Variants in ANXA8 observed in about 807,000 individuals in gnomAD.
ANXA8 encodes the protein VAC-beta.
ANXA8 carries 9 observed loss-of-function variants against 26.8 expected under a neutral mutation model. The ratio of observed to expected loss-of-function variants is 0.34; its 90% CI spans 0.20 to 0.59. The LOEUF is 0.59. ANXA8 is among the 20% of genes least tolerant of loss of function. The pLI, the probability that ANXA8 is intolerant of heterozygous loss-of-function variation, is 0.84. For missense variants in ANXA8, 83 were observed against 238.5 expected, an observed-to-expected ratio of 0.35 and a Z score of 4.29; for synonymous variants, 39 against 94.8, an observed-to-expected ratio of 0.41 and a Z score of 3.42.
At chr10:47,513,491 C>A in the ANXA8 span, among the ~76,000 whole-genome samples, 2 of 141,950 alleles carry the variant, frequency 1.4e-5, no homozygotes, top group African/African-American at 5.1e-5. Context: ...CAATGCAACT[C>A]CCATCAAAAT....
the ANXA8 span, among the ~76,000 whole-genome samples, chr10:47,951,754 T>C: frequency 8.0e-6 from 1 of 125,244 alleles, no homozygotes; most frequent in Non-Finnish European, 1.5e-5. Context: ...GAGGTTGCAG[T>C]GAGCTGAGAT....
chr10:47,697,055 G>C, the ANXA8 span, among the ~76,000 whole-genome samples: 1 of 151,684 alleles, frequency 6.6e-6, no homozygotes, highest in Non-Finnish European at 1.5e-5. Context: ...AAAAGAAGCT[G>C]TTTAATGAGG....
At chr10:47,711,642 A>C in the ANXA8 span, among the ~76,000 whole-genome samples, 1 of 146,186 alleles carries the variant, frequency 6.8e-6, no homozygotes, top group East Asian at 2.0e-4. Context: ...TAGACTAACT[A>C]TGATCATTGA....
the ANXA8 span, among the ~76,000 whole-genome samples, chr10:47,982,801 CATATATATAT>C: frequency 1.2e-3 from 16 of 12,946 alleles, 1 homozygote; most frequent in African/African-American, 2.9e-3. Context: ...ATTTGCAAAT[CATATATATAT>C]ATATATATAT....
At chr10:47,521,793 T>A in the ANXA8 span, among the ~76,000 whole-genome samples, 1 of 151,454 alleles carries the variant, frequency 6.6e-6, no homozygotes, top group African/African-American at 2.4e-5. Context: ...TTCCTTTTTT[T>A]TTTGTGAGAC....
At chr10:47,659,065 G>T in the ANXA8 span, among the ~76,000 whole-genome samples, 4 of 151,728 alleles carry the variant, frequency 2.6e-5, no homozygotes, top group African/African-American at 4.9e-5. Flanking sequence ...TAGAGATGGG[G>T]TTTCACCGTG....
chr10:47,719,846 TA>T, the ANXA8 span: 3 of 1,206,140 alleles, frequency 2.5e-6, no homozygotes, highest in Middle Eastern at 2.0e-4. Flanking sequence ...TGGTTCTAAT[TA>T]AAGCCCAGAT....
chr10:47,703,178 A>G, the ANXA8 span, among the ~76,000 whole-genome samples: 1 of 151,918 alleles, frequency 6.6e-6, no homozygotes, highest in East Asian at 1.9e-4. Context: ...ACTGATATAA[A>G]GACATATTTA....
the ANXA8 span, among the ~76,000 whole-genome samples, chr10:47,937,834 T>C: frequency 6.8e-6 from 1 of 147,272 alleles, no homozygotes; most frequent in Middle Eastern, 3.3e-3. Context: ...GTAAAGGACA[T>C]GTTCCTGTAA....
At chr10:47,719,090 G>C in the ANXA8 span, among the ~76,000 whole-genome samples, 1 of 114,054 alleles carries the variant, frequency 8.8e-6, no homozygotes, top group Non-Finnish European at 1.8e-5. Flanking sequence ...TTGGAAAAAA[G>C]TTTAAAAGAG....
chr10:47,628,049 T>C, the ANXA8 span, among the ~76,000 whole-genome samples: 2 of 150,952 alleles, frequency 1.3e-5, no homozygotes, highest in Non-Finnish European at 3.0e-5. Context: ...GCAATAGATA[T>C]GTATTTATTC....
chr10:47,521,259 A>C, the ANXA8 span, among the ~76,000 whole-genome samples: 1 of 136,254 alleles, frequency 7.3e-6, no homozygotes, highest in Non-Finnish European at 1.5e-5. Context: ...CCATCTACTA[A>C]CTGGTGTGTA....
At chr10:47,776,696 T>C in the ANXA8 span, among the ~76,000 whole-genome samples, 1 of 151,928 alleles carries the variant, frequency 6.6e-6, no homozygotes, top group African/African-American at 2.4e-5. Flanking sequence ...AGGCCTAGCA[T>C]ACACCCCTCT....
the ANXA8 span, among the ~76,000 whole-genome samples, chr10:47,626,967 C>G: frequency 6.7e-6 from 1 of 149,430 alleles, no homozygotes; most frequent in African/African-American, 2.6e-5. Flanking sequence ...TCCATCTCCT[C>G]GTAGTGTACG....
chr10:47,494,810 G>T, the ANXA8 span, among the ~76,000 whole-genome samples: 1 of 151,350 alleles, frequency 6.6e-6, no homozygotes, highest in South Asian at 2.1e-4. Flanking sequence ...TATTCGAATG[G>T]GTACTTGAGG....
chr10:47,488,861 A>G (rs1165737288), upstream of ANXA8, among the ~76,000 whole-genome samples: 20 of 129,768 alleles, frequency 1.5e-4, no homozygotes, highest in South Asian at 7.8e-4. Flanking sequence ...CCGAGTAGCT[A>G]GGACTACAGG....
At chr10:47,744,386 G>A in the ANXA8 span, among the ~76,000 whole-genome samples, 1 of 127,106 alleles carries the variant, frequency 7.9e-6, no homozygotes, top group Non-Finnish European at 1.7e-5. Flanking sequence ...CATCTCTCTT[G>A]TCCACACGTG....
the ANXA8 span, among the ~76,000 whole-genome samples, chr10:47,733,193 C>CTTTCTTTCTT: frequency 8.5e-6 from 1 of 117,050 alleles, no homozygotes; most frequent in Admixed American, 8.7e-5. Context: ...TTCTTTCTTT[C>CTTTCTTTCTT]TTTCTTTCTT....
the ANXA8 span, among the ~76,000 whole-genome samples, chr10:47,546,167 A>G: frequency 2.6e-4 from 36 of 138,922 alleles, 4 homozygotes; most frequent in African/African-American, 8.0e-4. Flanking sequence ...AATGAAATAT[A>G]TTAAATACGT....
Sources: gnomAD v4.1 joint callset for allele counts (sites outside exome capture counted in the v4.1 genomes callset) on GRCh38, gnomAD v4.1.1 for gene constraint, MANE v1.5 for transcripts, NCBI Gene and HGNC (gene_info 2026-07-23, HGNC 2026-07-21) for gene names.